Variants in SCUBE1 observed in about 807,000 individuals in gnomAD.
SCUBE1 encodes the protein signal peptide, CUB and EGF-like domain-containing protein 1.
SCUBE1 carries 59 observed loss-of-function variants against 124.4 expected under a neutral mutation model. The ratio of observed to expected loss-of-function variants is 0.47; its 90% CI spans 0.38 to 0.59. SCUBE1 has a LOEUF of 0.59. SCUBE1 is among the 20% of genes least tolerant of loss of function. The pLI is 0.00. For synonymous variants in SCUBE1, 545 were observed against 550.9 expected (o/e 0.99, Z 0.15); for missense variants, 1,150 against 1,371.2 (o/e 0.84, Z 2.55).
intron 4 of SCUBE1, among the ~76,000 whole-genome samples, chr22:43,269,340 G>A (rs1230919761): frequency 6.6e-6 from 1 of 152,146 alleles, no homozygotes; most frequent in Admixed American, 6.5e-5. Context: ...ACGATGGCAT[G>A]GTCTGCCTGG....
At chr22:43,278,895 G>A (rs75860349) in intron 4 of SCUBE1, among the ~76,000 whole-genome samples, 8,289 of 152,210 alleles carry the variant, frequency 0.054, 540 homozygotes, top group East Asian at 0.22. Context: ...GCCTGTCGAG[G>A]ACACCTGAGC....
At chr22:43,273,350 T>C (rs1340461360) in intron 4 of SCUBE1, among the ~76,000 whole-genome samples, 1 of 152,130 alleles carries the variant, frequency 6.6e-6, no homozygotes, top group Non-Finnish European at 1.5e-5. Flanking sequence ...GAAAGCTGCC[T>C]CTGTGAAATG....
At chr22:43,233,679 C>T (rs1298750501) in intron 7 of SCUBE1, 1 of 152,342 alleles carries the variant, frequency 6.6e-6, no homozygotes, top group Non-Finnish European at 1.5e-5. Context: ...GCAACTTGTT[C>T]CTGGCACTGC....
chr22:43,225,771 A>G (rs981114842), intron 10 of SCUBE1, among the ~76,000 whole-genome samples: 2 of 151,964 alleles, frequency 1.3e-5, no homozygotes, highest in Non-Finnish European at 2.9e-5. Flanking sequence ...TGCCCTTTGG[A>G]GGCAGGTTTG....
chr22:43,339,325 T>G, intron 1 of SCUBE1, 90 bp from the exon 2 acceptor site: 3 of 1,316,728 alleles, frequency 2.3e-6, no homozygotes, highest in Non-Finnish European at 3.2e-6. Flanking sequence ...CTCTTGCCTT[T>G]GCCCGTCCAT....
In SCUBE1 at chr22:43,281,485, T is replaced by C. The variant is rs865922997; in HGVS notation, c.484+9561A>G. 4.8e-4 allele frequency among the ~76,000 whole-genome samples: 34 copies of C among 70,362 alleles called. 2 individuals carry two copies. In the African/African-American group the frequency reaches 4.9e-3, roughly 10 times the overall value. The allele number at this position is 70,362 out of a possible 152,430, so 46.2% of individuals were successfully genotyped here. ...CAGCCACCCTCCTGTCACCTCCCTC[T>C]TTGGCCACCCTCCTGTCACCTCCTC... On this transcript the variant is annotated intron_variant, in intron 4 of 21. Transcript: ENST00000360835.
At chr22:43,317,188 C>CA (rs1483958687) in intron 3 of SCUBE1, 3 of 152,174 alleles carry the variant, frequency 2.0e-5, no homozygotes, top group Admixed American at 6.5e-5. Flanking sequence ...TGGTAAAAAA[C>CA]AAAAAAGCAA....
intron 3 of SCUBE1, among the ~76,000 whole-genome samples, chr22:43,292,556 A>AACAC (rs3985926): frequency 0.17 from 23,393 of 139,264 alleles, 2,119 homozygotes; most frequent in African/African-American, 0.22. Context: ...CCCGGTCCCT[A>AACAC]ACACACACAC....
At position 43,291,882 on chromosome 22, in the gene SCUBE1, G is replaced by A. The variant is rs370221595; in HGVS notation, c.350-702C>T. Among the ~76,000 whole-genome samples the A allele has an allele frequency of 9.2e-5, 14 of 152,156 alleles. No individual in the cohort carries two copies. The East Asian group carries it at 1.3e-3, about 15-fold the overall frequency. Reference sequence around the variant, plus strand: ...TTTATAGATGAGGAAACTTAGGTGCGGAGGGGCAAAGTCACTTGTCTAAAG... The same window carrying A: ...TTTATAGATGAGGAAACTTAGGTGCAGAGGGGCAAAGTCACTTGTCTAAAG... On this transcript the variant is annotated intron_variant, in intron 3 of 21. Transcript: ENST00000360835.
Position 43,222,675 on chromosome 22 carries a change from G to T in SCUBE1, c.1395C>A (p.Arg465=). The change falls in exon 12 of 22, where the codon CGC becomes CGA. Residue 465 remains arginine, a synonymous_variant. Coordinates refer to ENST00000360835, the MANE Select transcript of SCUBE1 (RefSeq NM_173050.5). Reference sequence around the variant, plus strand: ...GCCCGAGGCCAGAGCTGGTGCCGTTGCGTTTCTGCAGCGCCTTGCCCTGCG... The same window carrying T: ...GCCCGAGGCCAGAGCTGGTGCCGTTTCGTTTCTGCAGCGCCTTGCCCTGCG... ...PGPQGKALQK[R]NGTSSGLGPS... 6.2e-7 allele frequency: 1 copy of T among 1,604,002 alleles called. No individual in the cohort carries two copies. The highest frequency in any genetic ancestry group is 1.3e-5 in the African/African-American group (1 of 74,944).
chr22:43,290,994 G>A (rs1475258446), intron 4 of SCUBE1, 52 bp downstream of exon 4: 26 of 1,512,420 alleles, frequency 1.7e-5, no homozygotes, highest in Non-Finnish European at 2.1e-5. Context: ...GGGACTCTGG[G>A]GGCTGCCCAT....
intron 2 of SCUBE1, among the ~76,000 whole-genome samples, chr22:43,326,486 G>T (rs952740201): frequency 2.0e-5 from 3 of 152,124 alleles, no homozygotes; most frequent in African/African-American, 4.8e-5. Flanking sequence ...GTGGCTCGGG[G>T]TTAAGCTCTG....
At chr22:43,290,462 G>A (rs2146751012) in intron 4 of SCUBE1, among the ~76,000 whole-genome samples, 1 of 152,372 alleles carries the variant, frequency 6.6e-6, no homozygotes, top group African/African-American at 2.4e-5. Flanking sequence ...CTTGGCTGGT[G>A]GCCAGGCTCC....
At chr22:43,334,161 C>T (rs1021970663) in intron 2 of SCUBE1, among the ~76,000 whole-genome samples, 2 of 152,162 alleles carry the variant, frequency 1.3e-5, no homozygotes, top group Non-Finnish European at 2.9e-5. Context: ...TCATCTACTG[C>T]AAAAATGACT....
chr22:43,207,548 G>T lies in SCUBE1; in HGVS notation c.2800C>A (p.Gln934Lys), dbSNP rs770097434. The change falls in exon 21 of 22, where the codon CAG becomes AAG. Residue 934 changes from glutamine to lysine, a missense_variant. This residue lies in a region of SCUBE1 where 757 missense variants were observed against 840.9 expected (regional missense o/e 0.90). Coordinates refer to ENST00000360835, the MANE Select transcript of SCUBE1 (RefSeq NM_173050.5). The part of the protein sequence containing the change: ...DGRLYASENH[Q>K]EILKDKKLIK... ...AACTCACTCACTTTCAAAATTTCCT[G>T]GTGGTTCTCCGAGGCGTACAGGCGC... 1 of 1,613,406 alleles carries T rather than the reference G, an allele frequency of 6.2e-7. No homozygotes were observed. Among genetic ancestry groups the T allele is most frequent in the Non-Finnish European group, 8.5e-7 (1 of 1,179,380 alleles).
In SCUBE1 at chr22:43,199,343, T is replaced by C. The variant is rs957854281; in HGVS notation, c.*4654A>G. The C allele has an allele frequency of 1.3e-5, 2 of 153,708 alleles. No homozygotes were observed. Among genetic ancestry groups the C allele is most frequent in the Admixed American group, 6.4e-5 (1 of 15,684 alleles). 9.5% of individuals were successfully genotyped at this position (153,708 alleles called of 1,614,324 possible). A position where few individuals can be genotyped will look rare whatever the true frequency, so the allele number is the denominator to read the frequency against. On this transcript the variant is annotated 3_prime_UTR_variant, in exon 22 of 22. Transcript: ENST00000360835. ...GACAAGCCCAGGGGACAGGCTTCAC[T>C]GAGACGCTGCCTGCGGATGGTGCGT...
chr22:43,209,017 AAC>A lies in SCUBE1; in HGVS notation c.2582-795_2582-794del. Among the ~76,000 whole-genome samples, 2 of 147,988 alleles carry A rather than the reference AAC, an allele frequency of 1.4e-5. 1 individual carries two copies. The highest frequency in any genetic ancestry group is 4.2e-4 in the South Asian group (2 of 4,718). Reference sequence around the variant, plus strand: ...AAGGAGGGGATGCTGGGGGCAGGGGAACGGGTGAGGGGAACGGGTGGGGAATG... The same window carrying A: ...AAGGAGGGGATGCTGGGGGCAGGGGAGGGTGAGGGGAACGGGTGGGGAATG... On this transcript the variant is annotated intron_variant, in intron 19 of 21. Coordinates refer to ENST00000360835, the MANE Select transcript of SCUBE1 (RefSeq NM_173050.5).
At chr22:43,208,280 A>G in intron 19 of SCUBE1, 56 bp from the exon 20 acceptor site, 1 of 1,574,108 alleles carries the variant, frequency 6.4e-7, no homozygotes, top group Non-Finnish European at 8.7e-7. Flanking sequence ...CTCCTGCCCT[A>G]GGCCACTCGC....
chr22:43,199,309 C>G lies in SCUBE1; in HGVS notation c.*4688G>C, dbSNP rs1440272799. The G allele has an allele frequency of 6.3e-6, 1 of 157,972 alleles. No individual in the cohort carries two copies. The highest frequency in any genetic ancestry group is 1.4e-5 in the Non-Finnish European group (1 of 72,124). 9.8% of individuals were successfully genotyped at this position (157,972 alleles called of 1,614,324 possible). A position where few individuals can be genotyped will look rare whatever the true frequency, so the allele number is the denominator to read the frequency against. On this transcript the variant is annotated 3_prime_UTR_variant, in exon 22 of 22. Transcript: ENST00000360835. ...TATGGCTTAAACAGGCCAGGGGCCTCCTGCCGTGGACAAGCCCAGGGGACA... is the reference window on the plus strand; with the variant it reads ...TATGGCTTAAACAGGCCAGGGGCCTGCTGCCGTGGACAAGCCCAGGGGACA...
Sources: allele counts gnomAD v4.1 joint callset (sites outside exome capture counted in the v4.1 genomes callset), GRCh38; gene constraint gnomAD v4.1.1; regional missense constraint gnomAD v4.1.1; transcripts MANE v1.5; gene names NCBI Gene and HGNC (gene_info 2026-07-23, HGNC 2026-07-21).